Variants in FGF12 observed in about 807,000 individuals in gnomAD.
FGF12 encodes fibroblast growth factor 12.
FGF12 carries 14 observed loss-of-function variants against 23.6 expected under a neutral mutation model. The observed-to-expected ratio is 0.59, with a 90% CI of 0.39 to 0.93. The LOEUF is 0.93. Ranked by LOEUF, FGF12 falls within the 40% of genes least tolerant of loss-of-function variation. The pLI is 0.00. For synonymous variants in FGF12, 62 were observed against 77.3 expected, an observed-to-expected ratio of 0.80 and a Z score of 1.04; for missense variants, 175 against 217.8, an observed-to-expected ratio of 0.80 and a Z score of 1.24.
At chr3:192,445,566 G>A (rs1331177354) in intron 2 of FGF12, among the ~76,000 whole-genome samples, 1 of 152,074 alleles carries the variant, frequency 6.6e-6, no homozygotes, top group Non-Finnish European at 1.5e-5. Flanking sequence ...TTATCCAGGG[G>A]TCGTTTTACT....
chr3:192,196,052 T>C (rs1029958409), intron 4 of FGF12, among the ~76,000 whole-genome samples: 2 of 152,186 alleles, frequency 1.3e-5, no homozygotes, highest in African/African-American at 4.8e-5. Context: ...ACCACTATTC[T>C]ATTCTCTACT....
chr3:192,292,808 G>A (rs996712206), intron 4 of FGF12, among the ~76,000 whole-genome samples: 4 of 152,028 alleles, frequency 2.6e-5, no homozygotes, highest in Admixed American at 1.3e-4. Flanking sequence ...ACAAAGTCTC[G>A]CTTGGTCACC....
At chr3:192,679,845 G>C (rs1717456898) in intron 2 of FGF12, among the ~76,000 whole-genome samples, 2 of 152,200 alleles carry the variant, frequency 1.3e-5, no homozygotes, top group Non-Finnish European at 2.9e-5. Flanking sequence ...TGGGGCTTCA[G>C]ACTTGGGAGC....
At chr3:192,587,896 C>T (rs1191751703) in intron 2 of FGF12, among the ~76,000 whole-genome samples, 1 of 151,782 alleles carries the variant, frequency 6.6e-6, no homozygotes, top group African/African-American at 2.4e-5. Flanking sequence ...CTTTGGGCAC[C>T]ACCTTCTTAA....
chr3:192,550,589 G>A (rs1037384913), intron 2 of FGF12, among the ~76,000 whole-genome samples: 1 of 151,846 alleles, frequency 6.6e-6, no homozygotes, highest in Admixed American at 6.6e-5. Context: ...CTTAAAAAAA[G>A]GAAGAGGGCC....
At position 192,330,973 on chromosome 3, in the gene FGF12, T is replaced by C. The variant is rs554296490; in HGVS notation, c.228+4388A>G. On this transcript the variant is annotated intron_variant, in intron 4 of 5. Transcript: ENST00000445105. ...ATCATATATCTGATAAGGGCTTTAA[T>C]AGCCAGAATCTATAAAGAACTCCTA... 2.0e-5 allele frequency among the ~76,000 whole-genome samples: 3 copies of C among 152,222 alleles called. No homozygotes were observed. The South Asian group carries it at 6.2e-4, about 32-fold the overall frequency.
chr3:192,333,807 G>A (rs970520005), intron 4 of FGF12, among the ~76,000 whole-genome samples: 2 of 152,090 alleles, frequency 1.3e-5, no homozygotes, highest in African/African-American at 4.8e-5. Flanking sequence ...ATTTATTAAT[G>A]TGCACTGGGG....
chr3:192,244,341 A>G (rs1173456294), intron 4 of FGF12, among the ~76,000 whole-genome samples: 3 of 152,154 alleles, frequency 2.0e-5, no homozygotes, highest in African/African-American at 7.2e-5. Context: ...TCTATGGTAT[A>G]ATACCACATA....
intron 4 of FGF12, among the ~76,000 whole-genome samples, chr3:192,190,070 G>C (rs1008020290): frequency 6.6e-6 from 1 of 152,180 alleles, no homozygotes; most frequent in Non-Finnish European, 1.5e-5. Context: ...CATAGTTTAT[G>C]AGAGCTAAGG....
intron 4 of FGF12, among the ~76,000 whole-genome samples, chr3:192,332,307 C>A (rs1040873723): frequency 6.6e-6 from 1 of 151,294 alleles, no homozygotes; most frequent in African/African-American, 2.4e-5. Flanking sequence ...TAAGACTAAC[C>A]ACTACAGGAA....
At chr3:192,681,118 C>A (rs1009743812) in intron 2 of FGF12, among the ~76,000 whole-genome samples, 82 of 152,064 alleles carry the variant, frequency 5.4e-4, no homozygotes, top group African/African-American at 1.8e-3. Context: ...TAATATAGAG[C>A]ACAGAATTAA....
chr3:192,712,709 G>T (rs534332249), intron 2 of FGF12, among the ~76,000 whole-genome samples: 3 of 151,772 alleles, frequency 2.0e-5, no homozygotes. Flanking sequence ...ATATGAAAAG[G>T]CTCAGAAATT....
At chr3:192,204,986 A>C (rs1158388944) in intron 4 of FGF12, among the ~76,000 whole-genome samples, 1 of 152,104 alleles carries the variant, frequency 6.6e-6, no homozygotes. Flanking sequence ...TTATCTCTGC[A>C]TTTCTCTTCC....
intron 2 of FGF12, among the ~76,000 whole-genome samples, chr3:192,701,512 G>T (rs143496229): frequency 2.0e-5 from 3 of 152,198 alleles, no homozygotes; most frequent in African/African-American, 7.2e-5. Flanking sequence ...ATTTTTCAAA[G>T]AATTCATGTA....
chr3:192,605,671 TA>T (rs1456405629), intron 2 of FGF12, among the ~76,000 whole-genome samples: 1 of 152,054 alleles, frequency 6.6e-6, no homozygotes, highest in Non-Finnish European at 1.5e-5. Flanking sequence ...AATCTCATTT[TA>T]AAAAGGCCCA....
intron 4 of FGF12, among the ~76,000 whole-genome samples, chr3:192,327,447 G>A (rs769040658): frequency 6.6e-6 from 1 of 151,916 alleles, no homozygotes; most frequent in Admixed American, 6.6e-5. Flanking sequence ...TTTGACTTTA[G>A]TTTATCCTTT....
chr3:192,146,892 G>A (rs930597735), intron 5 of FGF12, among the ~76,000 whole-genome samples: 7 of 152,138 alleles, frequency 4.6e-5, no homozygotes, highest in African/African-American at 1.7e-4. Context: ...ACAGCAAGAT[G>A]TAAAATTTGC....
chr3:192,423,632 T>C (rs1189420887), intron 2 of FGF12, among the ~76,000 whole-genome samples: 1 of 152,148 alleles, frequency 6.6e-6, no homozygotes, highest in Non-Finnish European at 1.5e-5. Flanking sequence ...ATTTTAAAGA[T>C]TATGAAATTG....
At chr3:192,527,606 A>G (rs573496616) in intron 2 of FGF12, among the ~76,000 whole-genome samples, 1 of 152,356 alleles carries the variant, frequency 6.6e-6, no homozygotes, top group South Asian at 2.1e-4. Flanking sequence ...CTAGATAACC[A>G]TCTTCAGCAT....
Sources: allele counts gnomAD v4.1 joint callset (sites outside exome capture counted in the v4.1 genomes callset), GRCh38; gene constraint gnomAD v4.1.1; transcripts MANE v1.5; gene names NCBI Gene and HGNC (gene_info 2026-07-23, HGNC 2026-07-21).